The following OTOG variants were observed in gnomAD, a reference collection of about 807,000 sequenced individuals.
The protein encoded by OTOG is otogelin.
Under a neutral mutation model 313.8 loss-of-function variants are expected in OTOG, and 296 were observed. That is an observed-to-expected ratio of 0.94 (90% CI 0.86 to 1.04). The LOEUF is 1.04. Among genes scored for constraint, OTOG ranks in the 50% least tolerant of loss-of-function variants. The pLI is 0.00. For missense variants in OTOG, 3,948 were observed against 3,840.1 expected (o/e 1.03, Z -0.74); for synonymous variants, 1,533 against 1,554.9 (o/e 0.99, Z 0.33).
intron 27 of OTOG, 131 bp downstream of exon 27, chr11:17,593,887 G>A: frequency 7.1e-7 from 1 of 1,403,336 alleles, no homozygotes. Context: ...GCCCTGCTCT[G>A]GGCCCCTTCT....
rs1214213874 is a variant in OTOG, at chr11:17,612,183, GTCCGCCAC to G, written c.6146_6153del (p.Val2049AspfsTer54). On this transcript the variant is annotated frameshift_variant, in exon 37 of 56. Transcript: ENST00000399397. LOFTEE classifies it high-confidence loss of function. ...CCAGCCAATCGCCGAGCAGGACTGCGTCCGCCACATCTGCCTGGAGGGCCAGCTGATTC... is the reference window on the plus strand; with the variant it reads ...CCAGCCAATCGCCGAGCAGGACTGCGATCTGCCTGGAGGGCCAGCTGATTC... 3.9e-6 allele frequency: 6 copies of G among 1,549,440 alleles called. No homozygotes were observed. In the African/African-American group the frequency reaches 6.8e-5, roughly 18 times the overall value.
chr11:17,609,997 A>G lies in OTOG; in HGVS notation c.4697A>G (p.Glu1566Gly). Residue 1566 changes from glutamate (E) to glycine (G), a missense_variant, in exon 36 of 56, where the codon GAG becomes GGG. Glu to Gly is a moderately conservative substitution (Grantham distance 98). Coordinates refer to ENST00000399397, the MANE Select transcript of OTOG (RefSeq NM_001292063.2). ...ASLLAIPHTP[E>G]SSSLPVALQT... is the part of the protein sequence containing the mutation. The stretch of plus-strand genomic sequence containing the variant: ...CTCCTGGCCATCCCCCATACACCAG[A>G]GTCCTCATCCCTCCCTGTTGCACTG... 6.5e-7 allele frequency: 1 copy of G among 1,543,728 alleles called. No homozygotes were observed. The highest frequency in any genetic ancestry group is 1.2e-5 in the South Asian group (1 of 83,292).
At chr11:17,573,912 G>C (rs1262226085) in intron 19 of OTOG, among the ~76,000 whole-genome samples, 5 of 152,240 alleles carry the variant, frequency 3.3e-5, no homozygotes, top group Non-Finnish European at 7.3e-5. Flanking sequence ...GATTCTCTCT[G>C]AGCTAGTTTC....
At chr11:17,573,390 T>TC in intron 19 of OTOG, 100 bp downstream of exon 19, 17 of 1,258,102 alleles carry the variant, frequency 1.4e-5, no homozygotes, top group Non-Finnish European at 1.8e-5. Context: ...CCCTCCAGTC[T>TC]CCTCCAGCCT....
Position 17,629,130 on chromosome 11 carries a change from A to T in OTOG, c.6529-3A>T. ...CTGTGCTCACACTGAATTCCCTCCCAAGGTGACTGTGGACTTGCAGCCTGT... is the reference window on the plus strand; with the variant it reads ...CTGTGCTCACACTGAATTCCCTCCCTAGGTGACTGTGGACTTGCAGCCTGT... On this transcript the variant is annotated splice_polypyrimidine_tract_variant and splice_region_variant and intron_variant, in intron 39 of 55. Coordinates refer to ENST00000399397, the MANE Select transcript of OTOG (RefSeq NM_001292063.2). 1.3e-6 allele frequency: 2 copies of T among 1,550,130 alleles called. No homozygotes were observed. Among genetic ancestry groups the T allele is most frequent in the Non-Finnish European group, 1.7e-6 (2 of 1,146,724 alleles).
In OTOG at chr11:17,547,284, C is replaced by A. The variant is rs1182854885; in HGVS notation, c.-89C>A. The A allele has an allele frequency of 7.2e-6, 8 of 1,110,360 alleles. No individual in the cohort carries two copies. In the East Asian group the frequency reaches 2.2e-4, roughly 31 times the overall value. The allele number at this position is 1,110,360 out of a possible 1,614,324, so 68.8% of individuals were successfully genotyped here. On this transcript the variant is annotated 5_prime_UTR_variant, in exon 1 of 56. Transcript: ENST00000399397. ...ATGAGAACAAGAGGGACCTCGGCTG[C>A]GGAGTGGAGGTGTGACCCTGCCTTA...
At position 17,633,796 on chromosome 11, in the gene OTOG, G is replaced by A; in HGVS notation, c.7189G>A (p.Gly2397Ser). Reference protein sequence around the residue: ...PLDPEHCQVLGEGCVCSEGTI... With the variant: ...PLDPEHCQVLSEGCVCSEGTI... The stretch of plus-strand genomic sequence containing the variant: ...GGACCCAGAGCACTGCCAGGTGCTG[G>A]GCGAGGGCTGCGTCTGCTCCGAGGG... Residue 2397 changes from glycine to serine, a missense_variant, in exon 43 of 56, where the codon GGC becomes AGC. By Grantham distance (56) the Gly-to-Ser change is moderately conservative (BLOSUM62 0). Coordinates refer to ENST00000399397, the MANE Select transcript of OTOG (RefSeq NM_001292063.2). The A allele has an allele frequency of 1.3e-6, 2 of 1,550,418 alleles. No homozygotes were observed. Among genetic ancestry groups the A allele is most frequent in the Middle Eastern group, 1.7e-4 (1 of 5,988 alleles).
At chr11:17,629,103 AG>A in intron 39 of OTOG, 29 bp from the exon 40 acceptor site, 1 of 1,535,590 alleles carries the variant, frequency 6.5e-7, no homozygotes, top group East Asian at 2.5e-5. Context: ...TGGATGGACA[AG>A]CTGTGCTCAC....
chr11:17,632,022 G>T lies in OTOG; in HGVS notation c.6934-66G>T, dbSNP rs572502226. 1.5e-4 allele frequency: 238 copies of T among 1,541,232 alleles called. No homozygotes were observed. In the African/African-American group the frequency reaches 2.8e-3, roughly 18 times the overall value. On this transcript the variant is annotated intron_variant, in intron 41 of 55. Coordinates refer to ENST00000399397, the MANE Select transcript of OTOG (RefSeq NM_001292063.2). ...CTCATTGTTCCTTTTGGGCAGGGAG[G>T]GGAGGAGCTGGGCACTGGGATATGT...
chr11:17,559,783 G>A (rs763332925), intron 12 of OTOG, 121 bp downstream of exon 12: 18 of 792,772 alleles, frequency 2.3e-5, no homozygotes, highest in Non-Finnish European at 2.8e-5. Flanking sequence ...AGGGAGGGAG[G>A]GAGGGAGGAA....
chr11:17,645,555 T>C lies in OTOG; in HGVS notation c.8462-9T>C. ...TGGCCACAGCTGCCTCATCCCCCTG[T>C]CCCCCCAGGTAAGGAGGATGGGCGC... On this transcript the variant is annotated splice_polypyrimidine_tract_variant and intron_variant, in intron 54 of 55. Transcript: ENST00000399397. The C allele has an allele frequency of 6.5e-7, 1 of 1,550,038 alleles. No homozygotes were observed. The highest frequency in any genetic ancestry group is 2.4e-5 in the East Asian group (1 of 40,902).
intron 6 of OTOG, 80 bp downstream of exon 6, chr11:17,553,599 A>C: frequency 8.1e-7 from 1 of 1,231,046 alleles, no homozygotes; most frequent in Non-Finnish European, 1.0e-6. Context: ...TCTACTTGTC[A>C]TAGTTAGAGA....
intron 41 of OTOG, 73 bp from the exon 42 acceptor site, chr11:17,632,015 C>T (rs1239360481): frequency 4.5e-6 from 7 of 1,539,872 alleles, no homozygotes; most frequent in Non-Finnish European, 5.3e-6. Flanking sequence ...TCCTTTTGGG[C>T]AGGGAGGGGA....
chr11:17,602,085 C>A, intron 31 of OTOG, 125 bp from the exon 32 acceptor site: 1 of 1,047,758 alleles, frequency 9.5e-7, no homozygotes, highest in Non-Finnish European at 1.4e-6. Flanking sequence ...GGATGAAGGA[C>A]ACCATCAAGA....
chr11:17,617,954 C>T (rs1385893327), intron 39 of OTOG, among the ~76,000 whole-genome samples: 21 of 151,798 alleles, frequency 1.4e-4, no homozygotes, highest in Non-Finnish European at 8.8e-5. Context: ...ACTCTGTCGC[C>T]CAGGCTGGAG....
chr11:17,550,777 G>C (rs755872194), intron 3 of OTOG, among the ~76,000 whole-genome samples: 2 of 152,236 alleles, frequency 1.3e-5, no homozygotes, highest in Non-Finnish European at 2.9e-5. Context: ...GACTCCTGGG[G>C]CTGGGGCTGG....
Position 17,643,464 on chromosome 11 carries a change from G to T in OTOG, c.8419G>T (p.Gly2807Trp). The change falls in exon 54 of 56, where the codon GGG becomes TGG. Residue 2807 changes from glycine (G) to tryptophan (W), a missense_variant. Gly to Trp is a radical substitution (Grantham distance 184). Transcript: ENST00000399397. The stretch of plus-strand genomic sequence containing the variant: ...TCCCCCGACTTCCTCTCTCTAGGTT[G>T]GGGGTTCCGTGGTACCTTCCTTGGA... ...PLNETECAKV[G>W]GSVVPSLEGC... 6.8e-7 allele frequency: 1 copy of T among 1,460,690 alleles called. No homozygotes were observed. 90.5% of individuals were successfully genotyped at this position (1,460,690 alleles called of 1,614,324 possible). A position where few individuals can be genotyped will look rare whatever the true frequency, so the allele number is the denominator to read the frequency against.
chr11:17,608,313 G>A lies in OTOG; in HGVS notation c.4174G>A (p.Ala1392Thr), dbSNP rs750128693. 2 of 1,538,046 alleles carry A rather than the reference G, an allele frequency of 1.3e-6. No homozygotes were observed. Among genetic ancestry groups the A allele is most frequent in the Admixed American group, 2.0e-5 (1 of 49,232 alleles). ...FRLLDAKPSG[A>T]AYPICEWRYD... ...CTTTCTAGATGCCAAGCCCTCGGGG[G>A]CTGCCTACCCCATCTGCGAGTGGCG... Residue 1392 changes from alanine (A) to threonine (T), a missense_variant, in exon 34 of 56, where the codon GCT (alanine) becomes ACT (threonine). Coordinates refer to ENST00000399397, the MANE Select transcript of OTOG (RefSeq NM_001292063.2).
At chr11:17,580,297 CCTAA>C (rs1282774904) in intron 23 of OTOG, among the ~76,000 whole-genome samples, 2 of 152,258 alleles carry the variant, frequency 1.3e-5, no homozygotes, top group African/African-American at 4.8e-5. Flanking sequence ...TCTTCCACTT[CCTAA>C]CTGAGTTAAT....
Sources: gnomAD v4.1 joint callset for allele counts (sites outside exome capture counted in the v4.1 genomes callset) on GRCh38, gnomAD v4.1.1 for gene constraint, MANE v1.5 for transcripts, NCBI Gene and HGNC (gene_info 2026-07-23, HGNC 2026-07-21) for gene names.